Variants in PER1 observed in about 807,000 individuals in gnomAD.
PER1 encodes the protein period circadian regulator 1.
In PER1, 87 loss-of-function variants were observed where a neutral mutation model predicts 125.9. The observed-to-expected ratio is 0.69, with a 90% confidence interval of 0.58 to 0.83. PER1 has a LOEUF of 0.83. Among genes scored for constraint, PER1 ranks in the 40% least tolerant of loss-of-function variants. The probability of loss-of-function intolerance (pLI) is 0.00; values close to 1 mark genes in which losing one functional copy is unlikely to be tolerated. For missense variants in PER1, 1,775 were observed against 1,722.8 expected (o/e 1.03, Z -0.54); for synonymous variants, 801 against 714.7 (o/e 1.12, Z -1.93).
rs745443434 is a variant in PER1, at chr17:8,142,298, G to C, written c.3420C>G (p.Arg1140=). 2 of 1,606,828 alleles carry C rather than the reference G, an allele frequency of 1.2e-6. No individual in the cohort carries two copies. Among genetic ancestry groups the C allele is most frequent in the Admixed American group, 3.4e-5 (2 of 58,594 alleles). The stretch of plus-strand genomic sequence containing the variant: ...AGGGCACCTGGTAGGTCATCATGAC[G>C]CGCTGGTCAGCATTGGCCATGAGCA... ...IWLLMANADQ[R]VMMTYQVPSR... is the part of the protein sequence containing the mutation. Residue 1140 remains arginine, a synonymous_variant, in exon 21 of 23, where the codon CGC becomes CGG. Transcript: ENST00000317276.
rs1982669860 is a variant in PER1 at position 8,149,249 on chromosome 17, C to T, written c.905+10G>A. On this transcript the variant is annotated intron_variant, in intron 7 of 22. Transcript: ENST00000317276. ...GGAGGCAGAGGTCTTCTCCAGTTCCCCTCACCTACCTGATACGGCAGAAGA... is the reference window on the plus strand; with the variant it reads ...GGAGGCAGAGGTCTTCTCCAGTTCCTCTCACCTACCTGATACGGCAGAAGA... 2.5e-6 allele frequency: 4 copies of T among 1,611,958 alleles called. No homozygotes were observed. The highest frequency in any genetic ancestry group is 3.4e-6 in the Non-Finnish European group (4 of 1,178,710).
At chr17:8,148,889 C>T (rs1014763823) in intron 7 of PER1, 103 bp from the exon 8 acceptor site, 25 of 1,363,772 alleles carry the variant, frequency 1.8e-5, no homozygotes, top group Admixed American at 8.9e-5. Context: ...GGGGAGGGGG[C>T]AGGAGGAGGC....
chr17:8,142,379 G>A lies in PER1; in HGVS notation c.3339C>T (p.Gly1113=), dbSNP rs202048579. The part of the protein sequence containing the change: ...SSEAEAGAAR[G]GAEPGDQVIK... ...TCACCTGGTCCCCAGGCTCAGCCCCGCCCCGAGCAGCCCCAGCCTCAGCCT... is the reference window on the plus strand; with the variant it reads ...TCACCTGGTCCCCAGGCTCAGCCCCACCCCGAGCAGCCCCAGCCTCAGCCT... The change falls in exon 21 of 23, where the codon GGC becomes GGT. Residue 1113 remains glycine (G), a synonymous_variant. Transcript: ENST00000317276. 101 of 1,612,950 alleles carry A rather than the reference G, an allele frequency of 6.3e-5. No individual in the cohort carries two copies. The highest frequency in any genetic ancestry group is 5.2e-4 in the Admixed American group (31 of 59,702).
Position 8,149,371 on chromosome 17 carries a change from T to A in PER1, c.854-61A>T, listed in dbSNP as rs1598256500. 5 of 1,606,910 alleles carry A rather than the reference T, an allele frequency of 3.1e-6. No homozygotes were observed. The East Asian group carries it at 8.9e-5, about 29-fold the overall frequency. On this transcript the variant is annotated intron_variant, in intron 6 of 22. Coordinates refer to ENST00000317276, the MANE Select transcript of PER1 (RefSeq NM_002616.3). ...TGCCCCTTCCCTAGGCTGCGAAGAA[T>A]CCACTAAGGGAAAGTCTGGGTTCCC...
intron 3 of PER1, 38 bp downstream of exon 3, chr17:8,150,181 G>A (rs761430509): frequency 3.7e-6 from 6 of 1,602,574 alleles, no homozygotes; most frequent in Admixed American, 1.7e-5. Context: ...AGTGTGGCCT[G>A]GGCCCCCAGA....
At position 8,144,010 on chromosome 17, in the gene PER1, C is replaced by T. The variant is rs543404352; in HGVS notation, c.2462-134G>A. ...AGAGAGCTTCTCAACCCACACAGAA[C>T]GGGGGACTCAGGAGGTGGGGCACCT... On this transcript the variant is annotated intron_variant, in intron 18 of 22. Transcript: ENST00000317276. 133 of 1,365,686 alleles carry T rather than the reference C, an allele frequency of 9.7e-5. No individual in the cohort carries two copies. The Middle Eastern group carries it at 1.0e-3, about 10-fold the overall frequency. 84.6% of individuals were successfully genotyped at this position (1,365,686 alleles called of 1,614,324 possible).
At position 8,146,414 on chromosome 17, in the gene PER1, C is replaced by A. The variant is rs377111904; in HGVS notation, c.1996G>T (p.Asp666Tyr). 115 of 1,613,094 alleles carry A rather than the reference C, an allele frequency of 7.1e-5. No homozygotes were observed. The highest frequency in any genetic ancestry group is 4.2e-4 in the Admixed American group (25 of 59,916). Residue 666 changes from aspartate (D) to tyrosine (Y), a missense_variant, in exon 16 of 23, where the codon GAC becomes TAC. By Grantham distance (160) the Asp-to-Tyr change is radical (BLOSUM62 -3). Coordinates refer to ENST00000317276, the MANE Select transcript of PER1 (RefSeq NM_002616.3). ...GAGACTGGACCTGTCCTCTGCCTGT[C>A]GTCGTCAGAGGCTGAGGAGGTGGTA... is the stretch of plus-strand genomic sequence containing the variant. ...SYTTSSASDDDRQRTGPVSVG... is the reference protein window; with the variant it reads ...SYTTSSASDDYRQRTGPVSVG...
In PER1 at chr17:8,146,034, A is replaced by G. The variant is rs535452356; in HGVS notation, c.2142T>C (p.Ser714=). The change falls in exon 17 of 23, where the codon AGT becomes AGC. Residue 714 remains serine, a synonymous_variant. Transcript: ENST00000317276. ...SPLALANKAE[S]VVSVTSQCSF... Reference sequence around the variant, plus strand: ...TACACTGACTGGTGACGGACACCACACTCTCCGCCTTATTGGCCAGGGCGA... The same window carrying G: ...TACACTGACTGGTGACGGACACCACGCTCTCCGCCTTATTGGCCAGGGCGA... 22 of 1,613,668 alleles carry G rather than the reference A, an allele frequency of 1.4e-5. No homozygotes were observed. Among genetic ancestry groups the G allele is most frequent in the East Asian group, 2.2e-5 (1 of 44,868 alleles).
chr17:8,142,142 G>A, intron 21 of PER1, 127 bp downstream of exon 21: 1 of 1,096,014 alleles, frequency 9.1e-7, no homozygotes, highest in Non-Finnish European at 1.3e-6. Flanking sequence ...TAGTAACAGG[G>A]CTCCAAGGAG....
chr17:8,148,740 G>A lies in PER1; in HGVS notation c.952C>T (p.Leu318=), dbSNP rs1331754468. 25 of 1,614,074 alleles carry A rather than the reference G, an allele frequency of 1.5e-5. No homozygotes were observed. The highest frequency in any genetic ancestry group is 2.1e-5 in the Non-Finnish European group (25 of 1,179,968). ...CGGATCTTGGTCACATACGGGGTTA[G>A]GCGGAATGGCTGGTACCGAGGCCCT... ...DPGPRYQPFR[L]TPYVTKIRVS... The change falls in exon 8 of 23, where the codon CTA becomes TTA. Residue 318 remains leucine, a synonymous_variant. Coordinates refer to ENST00000317276, the MANE Select transcript of PER1 (RefSeq NM_002616.3).
rs181620694 is a variant in PER1, at chr17:8,148,986, C to T, written c.906-200G>A. On this transcript the variant is annotated intron_variant, in intron 7 of 22. Transcript: ENST00000317276. ...GGCGGATCACCTGAGGTCAGGAGTT[C>T]GAGACCAGCCTGGCCAACATGGTGA... The T allele has an allele frequency of 1.0e-3, 647 of 640,896 alleles. 4 individuals are homozygous for T. Among genetic ancestry groups the T allele is most frequent in the Admixed American group, 7.7e-3 (261 of 34,006 alleles). 39.7% of individuals were successfully genotyped at this position (640,896 alleles called of 1,614,324 possible). A position where few individuals can be genotyped will look rare whatever the true frequency, so the allele number is the denominator to read the frequency against.
chr17:8,143,749 T>TGGGG lies in PER1; in HGVS notation c.2588_2589insCCCC (p.Ser865ThrfsTer62). On this transcript the variant is annotated frameshift_variant, in exon 19 of 23. Transcript: ENST00000317276. LOFTEE classifies it high-confidence loss of function. ...GTGGGGTGGGCCAGGGGGTGGAGGGTGGCACGGGTGAGGGGTGTGAGACAT... is the reference window on the plus strand; with the variant it reads ...GTGGGGTGGGCCAGGGGGTGGAGGGTGGGGGGCACGGGTGAGGGGTGTGAGACAT... 7.0e-7 allele frequency: 1 copy of TGGGG among 1,436,190 alleles called. No individual in the cohort carries two copies. The allele number at this position is 1,436,190 out of a possible 1,614,324, so 89.0% of individuals were successfully genotyped here.
rs370670766 is a variant in PER1, at chr17:8,149,574, G to A, written c.741C>T (p.Asp247=). Residue 247 remains aspartate (D), a synonymous_variant, in exon 6 of 23, where the codon GAC becomes GAT. Coordinates refer to ENST00000317276, the MANE Select transcript of PER1 (RefSeq NM_002616.3). ...CAGAGAAGCGGGTACCCCGGAACAC[G>A]TCCCGCTTGCAACGCAGCAGGACGG... ...QAAVLLRCKR[D]VFRGTRFSEL... 4.0e-5 allele frequency: 65 copies of A among 1,613,848 alleles called. No individual in the cohort carries two copies. Among genetic ancestry groups the A allele is most frequent in the South Asian group, 2.9e-4 (26 of 91,086 alleles).
At position 8,142,621 on chromosome 17, in the gene PER1, T is replaced by C. The variant is rs1982152210; in HGVS notation, c.3259+28A>G. ...CGGCTCCCCAATCACTGCCCTACCC[T>C]GGGAGATGCTGGAGGCGGGGTACTC... On this transcript the variant is annotated intron_variant, in intron 20 of 22. Coordinates refer to ENST00000317276, the MANE Select transcript of PER1 (RefSeq NM_002616.3). 4 of 1,611,426 alleles carry C rather than the reference T, an allele frequency of 2.5e-6. No individual in the cohort carries two copies. The South Asian group carries it at 4.4e-5, about 18-fold the overall frequency.
chr17:8,148,591 A>G (rs1982610035), intron 8 of PER1, 53 bp downstream of exon 8: 1 of 1,546,994 alleles, frequency 6.5e-7, no homozygotes, highest in Non-Finnish European at 8.7e-7. Flanking sequence ...TCTGGCCATG[A>G]GGAAATGTCC....
intron 22 of PER1, among the ~76,000 whole-genome samples, chr17:8,141,551 G>A (rs889291265): frequency 2.6e-5 from 4 of 152,210 alleles, no homozygotes; most frequent in African/African-American, 9.6e-5. Flanking sequence ...ATGCATATTA[G>A]CATAGGATAG....
chr17:8,141,383 C>G, intron 22 of PER1, 43 bp from the exon 23 acceptor site: 1 of 1,548,110 alleles, frequency 6.5e-7, no homozygotes, highest in East Asian at 2.3e-5. Flanking sequence ...ACAGGGTTCT[C>G]ACTGCTAACC....
At chr17:8,148,833 C>T (rs778813339) in intron 7 of PER1, 47 bp from the exon 8 acceptor site, 2 of 1,602,724 alleles carry the variant, frequency 1.2e-6, no homozygotes, top group African/African-American at 1.3e-5. Context: ...AGAGAGCCAC[C>T]CACTCCTCCA....
Position 8,141,226 on chromosome 17 carries a change from C to T in PER1, c.3715G>A (p.Gly1239Ser), listed in dbSNP as rs766467265. The stretch of plus-strand genomic sequence containing the variant: ...TCACCACTGCCGCCACCGCTGCTGC[C>T]CTGCTCGCCTCCACCCTCTTCCATG... ...EPMEEGGGEQ[G>S]SSGGGSGEGE... Residue 1239 changes from glycine (G) to serine (S), a missense_variant, in exon 23 of 23, where the codon GGC becomes AGC. Coordinates refer to ENST00000317276, the MANE Select transcript of PER1 (RefSeq NM_002616.3). The T allele has an allele frequency of 2.5e-6, 4 of 1,614,204 alleles. No homozygotes were observed. Among genetic ancestry groups the T allele is most frequent in the South Asian group, 1.1e-5 (1 of 91,084 alleles).
Sources: gnomAD v4.1 joint callset for allele counts (sites outside exome capture counted in the v4.1 genomes callset) on GRCh38, gnomAD v4.1.1 for gene constraint, MANE v1.5 for transcripts, NCBI Gene and HGNC (gene_info 2026-07-23, HGNC 2026-07-21) for gene names.